Variants in PTPRD observed in about 807,000 individuals in gnomAD.
PTPRD encodes the protein protein tyrosine phosphatase receptor type D.
A neutral mutation model predicts 214.5 loss-of-function variants in PTPRD; 34 were observed. The ratio of observed to expected loss-of-function variants is 0.16; its 90% CI spans 0.12 to 0.21. PTPRD has a LOEUF of 0.21. Ranked by LOEUF, PTPRD falls within the 10% of genes least tolerant of loss-of-function variation. PTPRD has a pLI of 1.00. For synonymous variants in PTPRD, 1,128 were observed against 845.7 expected (o/e 1.33, Z -5.79); for missense variants, 2,545 against 2,398.7 (o/e 1.06, Z -1.27).
chr9:8,818,442 C>T (rs2096967965), intron 11 of PTPRD, among the ~76,000 whole-genome samples: 1 of 152,194 alleles, frequency 6.6e-6, no homozygotes. Flanking sequence ...TAAACACTTA[C>T]AGGCCAGGTA....
chr9:9,951,840 A>G (rs919937758), intron 4 of PTPRD, among the ~76,000 whole-genome samples: 1 of 152,240 alleles, frequency 6.6e-6, no homozygotes, highest in African/African-American at 2.4e-5. Context: ...AATTCAGTTT[A>G]TGGGACTAAG....
In PTPRD at chr9:10,528,121, G is replaced by A. The variant is rs562241185; in HGVS notation, c.-600+84277C>T. ...GAAAGCTCAGCAAGGGCAGGAGCCT[G>A]ATGCAGATCTCTACAGTGAATCCTG... is the stretch of plus-strand genomic sequence containing the variant. On this transcript the variant is annotated intron_variant, in intron 2 of 45. Coordinates refer to ENST00000381196, the MANE Select transcript of PTPRD (RefSeq NM_002839.4). 2.6e-5 allele frequency among the ~76,000 whole-genome samples: 4 copies of A among 152,198 alleles called. No homozygotes were observed. In the South Asian group the frequency reaches 8.3e-4, roughly 32 times the overall value.
chr9:10,060,185 T>A (rs1287490806), intron 3 of PTPRD, among the ~76,000 whole-genome samples: 1 of 152,062 alleles, frequency 6.6e-6, no homozygotes, highest in East Asian at 1.9e-4. Context: ...AATAACACAT[T>A]TCATTTCTGT....
chr9:10,410,964 T>C (rs1196581849), intron 2 of PTPRD, among the ~76,000 whole-genome samples: 9 of 151,768 alleles, frequency 5.9e-5, no homozygotes, highest in African/African-American at 1.9e-4. Context: ...ATCAATAATA[T>C]GGGGCTGAGT....
chr9:9,756,229 G>C (rs371183210), intron 6 of PTPRD, among the ~76,000 whole-genome samples: 1 of 152,010 alleles, frequency 6.6e-6, no homozygotes, highest in Non-Finnish European at 1.5e-5. Flanking sequence ...AGCACCAGAG[G>C]GTTATGTGAG....
Position 8,733,807 on chromosome 9 carries a change from T to TGAG in PTPRD, c.34_36dup (p.Leu12dup), listed in dbSNP as rs1480879969. ...TCAGCATCCGTGCGGAGGAAGAAAG[T>TGAG]GAGGAGCAGCAGCAGCAGCCTGGCT... On this transcript the variant is annotated inframe_insertion, in exon 12 of 46. Coordinates refer to ENST00000381196, the MANE Select transcript of PTPRD (RefSeq NM_002839.4). 17 of 1,552,704 alleles carry TGAG rather than the reference T, an allele frequency of 1.1e-5. No homozygotes were observed. The highest frequency in any genetic ancestry group is 1.4e-5 in the Non-Finnish European group (16 of 1,147,690).
At chr9:8,659,735 G>A (rs2096992272) in intron 12 of PTPRD, among the ~76,000 whole-genome samples, 1 of 152,088 alleles carries the variant, frequency 6.6e-6, no homozygotes, top group Non-Finnish European at 1.5e-5. Flanking sequence ...CATTTTACAG[G>A]GATCTGTTTG....
At chr9:9,310,944 A>C in intron 9 of PTPRD, among the ~76,000 whole-genome samples, 1 of 151,436 alleles carries the variant, frequency 6.6e-6, no homozygotes, top group Admixed American at 6.6e-5. Flanking sequence ...TAAATAAATA[A>C]ATAAATAAAT....
chr9:10,559,985 G>A (rs1467942124), intron 2 of PTPRD, among the ~76,000 whole-genome samples: 1 of 152,160 alleles, frequency 6.6e-6, no homozygotes, highest in Non-Finnish European at 1.5e-5. Context: ...TTCAATCATT[G>A]TGGAAGTCAG....
chr9:8,705,101 A>T (rs2098176330), intron 12 of PTPRD, among the ~76,000 whole-genome samples: 1 of 152,164 alleles, frequency 6.6e-6, no homozygotes, highest in South Asian at 2.1e-4. Flanking sequence ...AATAAGTTTA[A>T]AAAAAGGGCT....
intron 8 of PTPRD, among the ~76,000 whole-genome samples, chr9:9,468,685 A>T (rs2094390212): frequency 6.6e-6 from 1 of 152,114 alleles, no homozygotes; most frequent in Admixed American, 6.5e-5. Context: ...ATATTTTAAA[A>T]TTTTAATTCT....
chr9:10,295,549 T>G (rs1220893331), intron 3 of PTPRD, among the ~76,000 whole-genome samples: 1 of 152,116 alleles, frequency 6.6e-6, no homozygotes, highest in Non-Finnish European at 1.5e-5. Context: ...TCTCTGTGAT[T>G]ACACAGCATT....
intron 11 of PTPRD, among the ~76,000 whole-genome samples, chr9:8,833,709 TATATATAC>T (rs1378135136): frequency 1.5e-5 from 2 of 135,348 alleles, no homozygotes; most frequent in African/African-American, 3.0e-5. Flanking sequence ...TCTATATATA[TATATATAC>T]ACACACACAC....
At chr9:9,573,273 G>A (rs889735049) in intron 8 of PTPRD, among the ~76,000 whole-genome samples, 2 of 151,206 alleles carry the variant, frequency 1.3e-5, no homozygotes, top group Non-Finnish European at 3.0e-5. Flanking sequence ...ACAGAAAAAG[G>A]AGCCTCCTTT....
At chr9:9,038,847 C>A (rs1276781484) in intron 10 of PTPRD, among the ~76,000 whole-genome samples, 3 of 151,964 alleles carry the variant, frequency 2.0e-5, no homozygotes, top group Non-Finnish European at 2.9e-5. Context: ...GTGAGCCACC[C>A]CGCCCAGCAG....
chr9:9,816,063 G>T (rs2761741), intron 5 of PTPRD, among the ~76,000 whole-genome samples: 1 of 151,950 alleles, frequency 6.6e-6, no homozygotes, highest in Admixed American at 6.6e-5. Context: ...AAGCATGGTT[G>T]TGGTCATCAT....
chr9:10,191,955 A>T (rs2099365463), intron 3 of PTPRD, among the ~76,000 whole-genome samples: 1 of 152,204 alleles, frequency 6.6e-6, no homozygotes, highest in Admixed American at 6.5e-5. Context: ...TGCAAAGCTG[A>T]TGATGGTGGT....
At chr9:8,526,522 T>C in intron 17 of PTPRD, 105 bp downstream of exon 17, 1 of 984,068 alleles carries the variant, frequency 1.0e-6, no homozygotes, top group Non-Finnish European at 1.4e-6. Context: ...AAAAAGTTGA[T>C]GGACATTATT....
chr9:9,986,598 T>C (rs1040623107), intron 4 of PTPRD, among the ~76,000 whole-genome samples: 3 of 152,164 alleles, frequency 2.0e-5, no homozygotes, highest in Admixed American at 2.0e-4. Context: ...GTTTTCTTAA[T>C]ATGTGCATAT....
Sources: gnomAD v4.1 joint callset for allele counts (sites outside exome capture counted in the v4.1 genomes callset) on GRCh38, gnomAD v4.1.1 for gene constraint, MANE v1.5 for transcripts, NCBI Gene and HGNC (gene_info 2026-07-23, HGNC 2026-07-21) for gene names.